Variants in TUBD1 observed in about 807,000 individuals in gnomAD.
TUBD1 encodes tubulin delta 1.
Under a neutral mutation model 51.2 loss-of-function variants are expected in TUBD1, and 38 were observed. The ratio of observed to expected loss-of-function variants is 0.74; its 90% CI spans 0.57 to 0.97. The LOEUF (loss-of-function observed/expected upper bound fraction) is 0.97. Among genes scored for constraint, TUBD1 ranks in the 50% least tolerant of loss-of-function variants. The pLI, the probability that TUBD1 is intolerant of heterozygous loss-of-function variation, is 0.00. For synonymous variants in TUBD1, 169 were observed against 178.2 expected (o/e 0.95, Z 0.41); for missense variants, 489 against 538.4 (o/e 0.91, Z 0.91).
intron 7 of TUBD1, 118 bp from the exon 8 acceptor site, chr17:59,863,965 C>T: frequency 6.6e-6 from 6 of 903,318 alleles, no homozygotes; most frequent in Non-Finnish European, 9.1e-6. Context: ...CCTTTTAAAA[C>T]TTGTGATGGC....
chr17:59,883,085 G>A (rs140389775), intron 3 of TUBD1, among the ~76,000 whole-genome samples: 19 of 150,388 alleles, frequency 1.3e-4, no homozygotes, highest in Admixed American at 4.0e-4. Flanking sequence ...ATACCCAGCC[G>A]CCCGGCTAAT....
chr17:59,875,108 G>C (rs1406253902), intron 5 of TUBD1, among the ~76,000 whole-genome samples: 1 of 80,414 alleles, frequency 1.2e-5, no homozygotes, highest in South Asian at 4.1e-4. Flanking sequence ...ATGGAGTCTT[G>C]TTCTGTCGCC....
chr17:59,881,032 GAA>G lies in TUBD1; in HGVS notation c.397_398del (p.Phe133GlnfsTer46), dbSNP rs2144537650. On this transcript the variant is annotated frameshift_variant, in exon 4 of 9. Transcript: ENST00000325752. LOFTEE classifies it high-confidence loss of function. ...IRKEVEKCDS[F>X]SGFFIIMSMA... ...TACTCATTATGATGAAAAAACCACT[GAA>G]AGAGTCACATTTCTCCACTTCCTTC... 6.2e-7 allele frequency: 1 copy of G among 1,614,098 alleles called. No homozygotes were observed. The highest frequency in any genetic ancestry group is 8.5e-7 in the Non-Finnish European group (1 of 1,179,998).
intron 2 of TUBD1, among the ~76,000 whole-genome samples, chr17:59,886,817 G>A (rs1175133631): frequency 1.3e-5 from 2 of 152,016 alleles, no homozygotes; most frequent in South Asian, 2.1e-4. Context: ...TTGGGAGGCT[G>A]AGGCAGGTGG....
At chr17:59,869,470 G>GT (rs1043900318) in intron 6 of TUBD1, among the ~76,000 whole-genome samples, 2 of 149,892 alleles carry the variant, frequency 1.3e-5, no homozygotes, top group African/African-American at 2.5e-5. Flanking sequence ...GCAAGATTCT[G>GT]TCCCCCCCGC....
In TUBD1 at chr17:59,866,773, G is replaced by A. The variant is rs759284653; in HGVS notation, c.935-24C>T. The stretch of plus-strand genomic sequence containing the variant: ...ACCTACCAAAAGAAAAAAAAAGCAA[G>A]AGGTTTTATTTTATTTACTTAGTTT... On this transcript the variant is annotated intron_variant, in intron 6 of 8. Transcript: ENST00000325752. 4.4e-6 allele frequency: 7 copies of A among 1,576,420 alleles called. No individual in the cohort carries two copies. In the Admixed American group the frequency reaches 9.9e-5, roughly 22 times the overall value.
intron 6 of TUBD1, among the ~76,000 whole-genome samples, chr17:59,870,467 C>G (rs1433754941): frequency 3.3e-5 from 5 of 151,590 alleles, no homozygotes; most frequent in African/African-American, 1.2e-4. Context: ...AGTGAGAGCC[C>G]CTTCCCCACT....
In TUBD1 at chr17:59,874,650, G is replaced by A. The variant is rs771319485; in HGVS notation, c.823C>T (p.Arg275Cys). Residue 275 changes from arginine (R) to cysteine (C), a missense_variant, in exon 6 of 9, where the codon CGT (arginine) becomes TGT (cysteine). By Grantham distance (180) the Arg-to-Cys change is radical (BLOSUM62 -3). Coordinates refer to ENST00000325752, the MANE Select transcript of TUBD1 (RefSeq NM_016261.4). ...PHPEFKMLSV[R>C]NIPHMSENSL... is the part of the protein sequence containing the mutation. ...TTCTCAGACATGTGAGGAATGTTAC[G>A]AACACTCAGCATCTTGAATTCAGGA... 1.7e-5 allele frequency: 28 copies of A among 1,613,234 alleles called. No homozygotes were observed. Among genetic ancestry groups the A allele is most frequent in the Non-Finnish European group, 2.1e-5 (25 of 1,179,824 alleles).
Position 59,866,627 on chromosome 17 carries a change from C to T in TUBD1, c.1057G>A (p.Val353Met). The change falls in exon 7 of 9, where the codon GTG becomes ATG. Residue 353 changes from valine (V) to methionine (M), a missense_variant. Transcript: ENST00000325752. ...ANLVILRGKDVQSADVEGFKD... is the reference protein window; with the variant it reads ...ANLVILRGKDMQSADVEGFKD... ...TTCTTACCCACATCTGCACTTTGCA[C>T]ATCTTTCCCACGAAGAATGACCAAG... The T allele has an allele frequency of 1.9e-6, 3 of 1,613,956 alleles. No homozygotes were observed. The highest frequency in any genetic ancestry group is 1.3e-5 in the African/African-American group (1 of 75,036).
intron 6 of TUBD1, among the ~76,000 whole-genome samples, 169 bp from the exon 7 acceptor site, chr17:59,866,918 G>A (rs2039731487): frequency 6.6e-6 from 1 of 151,802 alleles, no homozygotes; most frequent in South Asian, 2.1e-4. Flanking sequence ...CCCAGTAGCT[G>A]GCTAGACAGG....
intron 5 of TUBD1, 109 bp downstream of exon 5, chr17:59,877,994 G>A (rs1340479050): frequency 6.0e-6 from 5 of 835,272 alleles, no homozygotes; most frequent in Non-Finnish European, 9.2e-6. Context: ...GTTTTGAGAT[G>A]AGCAAGACTT....
At chr17:59,876,586 A>C (rs1305347423) in intron 5 of TUBD1, among the ~76,000 whole-genome samples, 2 of 151,680 alleles carry the variant, frequency 1.3e-5, no homozygotes, top group Non-Finnish European at 1.5e-5. Context: ...CGAACTCCCA[A>C]CCTCAGGTGA....
At chr17:59,877,967 G>A (rs554900356) in intron 5 of TUBD1, 136 bp downstream of exon 5, 13 of 678,558 alleles carry the variant, frequency 1.9e-5, no homozygotes, top group African/African-American at 1.8e-4. Context: ...CAGAGAACTA[G>A]CAGATGTGAA....
intron 2 of TUBD1, among the ~76,000 whole-genome samples, chr17:59,888,772 G>T (rs957503228): frequency 4.6e-5 from 7 of 151,346 alleles, no homozygotes; most frequent in African/African-American, 1.7e-4. Context: ...TTGTCACCTA[G>T]GCTGGAGTAC....
chr17:59,869,174 G>C (rs1000207163), intron 6 of TUBD1, among the ~76,000 whole-genome samples: 6 of 151,670 alleles, frequency 4.0e-5, no homozygotes, highest in African/African-American at 1.5e-4. Context: ...CTATACAACT[G>C]TGAAAAAATG....
Position 59,880,964 on chromosome 17 carries a change from T to G in TUBD1, c.467A>C (p.Gln156Pro), listed in dbSNP as rs2040457720. 6.2e-7 allele frequency: 1 copy of G among 1,614,220 alleles called. No individual in the cohort carries two copies. The highest frequency in any genetic ancestry group is 1.1e-5 in the South Asian group (1 of 91,088). Reference protein sequence around the residue: ...TGSGLGAFVTQNLEDQYSNSL... With the variant: ...TGSGLGAFVTPNLEDQYSNSL... ...GTTTGAGTACTGATCTTCTAAATTC[T>G]GTGTAACGAAAGCTCCTAATCCTGA... The change falls in exon 4 of 9, where the codon CAG becomes CCG. Residue 156 changes from glutamine to proline, a missense_variant. Physicochemically the swap from Gln to Pro is moderately conservative, Grantham distance 76. Transcript: ENST00000325752.
intron 8 of TUBD1, 133 bp downstream of exon 8, chr17:59,863,531 C>T (rs1946364373): frequency 5.1e-6 from 3 of 585,800 alleles, no homozygotes; most frequent in Admixed American, 8.4e-5. Flanking sequence ...ATCACTTAAA[C>T]CCGGGAGGCG....
intron 4 of TUBD1, chr17:59,878,585 G>A: frequency 2.8e-6 from 1 of 361,352 alleles, no homozygotes; most frequent in Non-Finnish European, 5.1e-6. Context: ...CCCGGTTCGA[G>A]ATTCTTGTGT....
At chr17:59,868,827 C>T (rs1287056638) in intron 6 of TUBD1, among the ~76,000 whole-genome samples, 3 of 150,374 alleles carry the variant, frequency 2.0e-5, no homozygotes, top group Non-Finnish European at 3.0e-5. Context: ...CGGAGCGAGA[C>T]TCCATCTCAA....
Sources: allele counts gnomAD v4.1 joint callset (sites outside exome capture counted in the v4.1 genomes callset), GRCh38; gene constraint gnomAD v4.1.1; transcripts MANE v1.5; gene names NCBI Gene and HGNC (gene_info 2026-07-23, HGNC 2026-07-21).